The following NARS2 variants were observed in gnomAD, a reference collection of about 807,000 sequenced individuals.
The protein encoded by NARS2 is asparaginyl-tRNA synthetase.
A neutral mutation model predicts 62.9 loss-of-function variants in NARS2; 60 were observed. The observed-to-expected ratio is 0.95, with a 90% CI of 0.77 to 1.18. The LOEUF is 1.18. Ranked by LOEUF, NARS2 falls within the 50% of genes most tolerant of loss-of-function variation. The pLI, the probability that NARS2 is intolerant of heterozygous loss-of-function variation, is 0.00. For missense variants in NARS2, 619 were observed against 576.4 expected (o/e 1.07, Z -0.76); for synonymous variants, 196 against 200.0 (o/e 0.98, Z 0.17).
chr11:78,443,142 G>A lies in NARS2; in HGVS notation c.1262+519C>T, dbSNP rs369599552. 3.3e-5 allele frequency among the ~76,000 whole-genome samples: 5 copies of A among 152,038 alleles called. No homozygotes were observed. In the East Asian group the frequency reaches 7.8e-4, roughly 24 times the overall value. On this transcript the variant is annotated intron_variant, in intron 12 of 13. Transcript: ENST00000281038. ...AGATCAAGACCATCCCGGCTAACAC[G>A]GTGAAACTCTGTCTCTACTAAAAAA...
intron 11 of NARS2, among the ~76,000 whole-genome samples, chr11:78,451,723 T>C (rs1238518883): frequency 6.6e-6 from 1 of 152,228 alleles, no homozygotes; most frequent in African/African-American, 2.4e-5. Context: ...CCATAAAGCA[T>C]TAGGTGCTAC....
intron 11 of NARS2, among the ~76,000 whole-genome samples, chr11:78,462,164 A>G (rs1171439825): frequency 6.6e-6 from 1 of 152,232 alleles, no homozygotes; most frequent in Admixed American, 6.5e-5. Context: ...ATCTAGGGAA[A>G]TTAAATGAGA....
intron 7 of NARS2, among the ~76,000 whole-genome samples, chr11:78,487,528 CACAGAAAAAAAT>C (rs1859633915): frequency 1.3e-5 from 2 of 151,644 alleles, no homozygotes; most frequent in South Asian, 4.2e-4. Context: ...CAAAAAAGGG[CACAGAAAAAAAT>C]ACGTAAAGAA....
intron 2 of NARS2, among the ~76,000 whole-genome samples, chr11:78,570,506 A>C (rs1374219158): frequency 6.6e-6 from 1 of 152,136 alleles, no homozygotes; most frequent in African/African-American, 2.4e-5. Context: ...TCTAGCCTCA[A>C]CCGCCCGAGT....
At chr11:78,523,779 G>C (rs1194020533) in intron 6 of NARS2, among the ~76,000 whole-genome samples, 1 of 152,194 alleles carries the variant, frequency 6.6e-6, no homozygotes, top group Non-Finnish European at 1.5e-5. Flanking sequence ...CTCATAGAGA[G>C]AGAACTTAAT....
At chr11:78,465,112 C>A (rs1350256370) in intron 11 of NARS2, among the ~76,000 whole-genome samples, 1 of 152,216 alleles carries the variant, frequency 6.6e-6, no homozygotes, top group African/African-American at 2.4e-5. Flanking sequence ...CCGAGCCCTG[C>A]CCCACGGGAA....
chr11:78,501,882 G>A (rs1043686195), intron 6 of NARS2, among the ~76,000 whole-genome samples: 2 of 151,982 alleles, frequency 1.3e-5, no homozygotes, highest in African/African-American at 2.4e-5. Flanking sequence ...ACAAAACTTT[G>A]TACATAAATG....
chr11:78,465,548 G>A (rs1450713149), intron 11 of NARS2, among the ~76,000 whole-genome samples: 1 of 152,250 alleles, frequency 6.6e-6, no homozygotes, highest in African/African-American at 2.4e-5. Flanking sequence ...AGACTAACAA[G>A]CTTGGTATAG....
At chr11:78,468,076 T>C (rs1356366805) in intron 10 of NARS2, among the ~76,000 whole-genome samples, 2 of 150,098 alleles carry the variant, frequency 1.3e-5, no homozygotes, top group Non-Finnish European at 3.0e-5. Context: ...GGCTGGGTAC[T>C]GAGGCATGCT....
chr11:78,513,946 C>T (rs148923302), intron 6 of NARS2, among the ~76,000 whole-genome samples: 1,674 of 151,912 alleles, frequency 0.011, 17 homozygotes, highest in Middle Eastern at 0.017. Flanking sequence ...TGTGACACAC[C>T]CCCCTACACA....
intron 6 of NARS2, among the ~76,000 whole-genome samples, chr11:78,511,525 G>A (rs1455659261): frequency 1.3e-5 from 2 of 152,134 alleles, no homozygotes; most frequent in Admixed American, 6.5e-5. Flanking sequence ...AGACCATCCT[G>A]GCTAACACAG....
At chr11:78,472,839 C>G (rs1858932720) in intron 9 of NARS2, among the ~76,000 whole-genome samples, 1 of 152,216 alleles carries the variant, frequency 6.6e-6, no homozygotes, top group African/African-American at 2.4e-5. Flanking sequence ...AGGCATGTAA[C>G]AGCAGAAAGG....
intron 9 of NARS2, among the ~76,000 whole-genome samples, chr11:78,474,293 T>C (rs1438917933): frequency 1.3e-5 from 2 of 152,172 alleles, no homozygotes; most frequent in African/African-American, 4.8e-5. Flanking sequence ...ATCAAGTTCA[T>C]AGTCGTAATT....
At chr11:78,463,726 A>C (rs7127439) in intron 11 of NARS2, among the ~76,000 whole-genome samples, 1 of 149,572 alleles carries the variant, frequency 6.7e-6, no homozygotes, top group African/African-American at 2.4e-5. Flanking sequence ...AAAAAAAAAA[A>C]AAAAAAAAAA....
intron 6 of NARS2, among the ~76,000 whole-genome samples, chr11:78,505,396 T>G (rs1201859084): frequency 2.0e-5 from 3 of 151,866 alleles, no homozygotes; most frequent in Admixed American, 2.0e-4. Context: ...TACTTTAAGA[T>G]ATCCTAACAG....
intron 5 of NARS2, among the ~76,000 whole-genome samples, chr11:78,538,809 C>CA (rs1855487010): frequency 6.6e-6 from 1 of 151,322 alleles, no homozygotes; most frequent in East Asian, 2.0e-4. Context: ...TCCTGGCTAA[C>CA]ACGGTGAAAC....
At chr11:78,521,342 G>T (rs1387208769) in intron 6 of NARS2, among the ~76,000 whole-genome samples, 2 of 151,538 alleles carry the variant, frequency 1.3e-5, no homozygotes, top group South Asian at 2.1e-4. Flanking sequence ...TGGTTTTTTT[G>T]TTTGTTTGTT....
rs1181310427 is a variant in NARS2, at chr11:78,574,764, A to G, written c.-276T>C. ...GTGCAGTTGGCAGCTGGGGCGCCCC[A>G]CTACCCGCGACAATTGTAAACCTAC... On this transcript the variant is annotated 5_prime_UTR_variant, in exon 1 of 14. Transcript: ENST00000281038. 7.0e-6 allele frequency: 3 copies of G among 428,684 alleles called. No homozygotes were observed. The highest frequency in any genetic ancestry group is 1.3e-5 in the Non-Finnish European group (3 of 239,282). The allele number at this position is 428,684 out of a possible 1,614,324, so 26.6% of individuals were successfully genotyped here.
At chr11:78,444,407 T>C (rs1166536665) in intron 11 of NARS2, among the ~76,000 whole-genome samples, 2 of 152,136 alleles carry the variant, frequency 1.3e-5, no homozygotes, top group Non-Finnish European at 2.9e-5. Flanking sequence ...CAAGATACCA[T>C]TCTGGAGTTA....
Sources: gnomAD v4.1 joint callset for allele counts (sites outside exome capture counted in the v4.1 genomes callset) on GRCh38, gnomAD v4.1.1 for gene constraint, MANE v1.5 for transcripts, NCBI Gene and HGNC (gene_info 2026-07-23, HGNC 2026-07-21) for gene names.